The following ACBD5 variants were observed in gnomAD, a reference collection of about 807,000 sequenced individuals.
ACBD5 encodes the protein acyl-CoA binding domain containing 5.
A neutral mutation model predicts 71.8 loss-of-function variants in ACBD5; 40 were observed. That is an observed-to-expected ratio of 0.56 (90% CI 0.43 to 0.72). The LOEUF is 0.72. Among genes scored for constraint, ACBD5 ranks in the 30% least tolerant of loss-of-function variants. The pLI is 0.00. For synonymous variants in ACBD5, 229 were observed against 218.6 expected (o/e 1.05, Z -0.42); for missense variants, 559 against 644.5 (o/e 0.87, Z 1.44).
intron 5 of ACBD5, chr10:27,220,567 C>T (rs935436912): frequency 2.6e-5 from 4 of 152,306 alleles, no homozygotes; most frequent in African/African-American, 9.6e-5. Flanking sequence ...TTACTGGACA[C>T]TGTTTTGAGA....
intron 12 of ACBD5, among the ~76,000 whole-genome samples, chr10:27,202,890 A>G (rs1013388579): frequency 5.9e-5 from 9 of 151,910 alleles, no homozygotes; most frequent in Non-Finnish European, 1.2e-4. Context: ...ACTGTAGAGC[A>G]CTAAACCCAA....
At chr10:27,215,415 A>G (rs1177284789) in intron 8 of ACBD5, 120 bp downstream of exon 8, 1 of 709,890 alleles carries the variant, frequency 1.4e-6, no homozygotes, top group Non-Finnish European at 2.4e-6. Context: ...ATGTTTAAAC[A>G]TTTTAGGAGT....
At chr10:27,183,475 G>T (rs552317782) in intron 13 of ACBD5, among the ~76,000 whole-genome samples, 1 of 152,120 alleles carries the variant, frequency 6.6e-6, no homozygotes, top group East Asian at 1.9e-4. Context: ...AGTAGAGATG[G>T]GGTTTCACCA....
At chr10:27,184,400 CAT>C (rs1426959928) in intron 13 of ACBD5, among the ~76,000 whole-genome samples, 2 of 151,948 alleles carry the variant, frequency 1.3e-5, no homozygotes. Flanking sequence ...CTACTTAAAA[CAT>C]ATAAACACAC....
At chr10:27,183,393 C>A (rs1343990679) in intron 13 of ACBD5, among the ~76,000 whole-genome samples, 1 of 152,006 alleles carries the variant, frequency 6.6e-6, no homozygotes, top group South Asian at 2.1e-4. Context: ...AAGTGATTCT[C>A]CTGCCTCAGC....
intron 13 of ACBD5, among the ~76,000 whole-genome samples, chr10:27,189,307 G>A (rs1374187053): frequency 3.3e-5 from 5 of 152,174 alleles, no homozygotes; most frequent in South Asian, 4.1e-4. Flanking sequence ...GATTACAGGC[G>A]TGAGCCACCC....
chr10:27,196,922 T>A lies in ACBD5; in HGVS notation c.*508A>T, dbSNP rs1299011105. 1.1e-5 allele frequency: 5 copies of A among 454,072 alleles called. No individual in the cohort carries two copies. The highest frequency in any genetic ancestry group is 2.2e-5 in the Non-Finnish European group (5 of 226,802). 28.1% of individuals were successfully genotyped at this position (454,072 alleles called of 1,614,324 possible). ...ACAAAGTGAATATGACCATTCTTCC[T>A]GTGGTTTTCTACTACATGCCATGGC... On this transcript the variant is annotated 3_prime_UTR_variant, in exon 13 of 13. Coordinates refer to ENST00000396271, the MANE Select transcript of ACBD5 (RefSeq NM_145698.5).
rs371298763 is a variant in ACBD5 at position 27,223,370 on chromosome 10, T to C, written c.458A>G (p.Lys153Arg). 5.6e-5 allele frequency: 91 copies of C among 1,613,834 alleles called. No homozygotes were observed. Among genetic ancestry groups the C allele is most frequent in the Middle Eastern group, 1.6e-4 (1 of 6,082 alleles). ...TATATCAGAACTCCTGCCACTCTTTTTGTCCTCGACAATTTCATAAAATGG... is the reference window on the plus strand; with the variant it reads ...TATATCAGAACTCCTGCCACTCTTTCTGTCCTCGACAATTTCATAAAATGG... Reference protein sequence around the residue: ...IGPFYEIVEDKKSGRSSDITS... With the variant: ...IGPFYEIVEDRKSGRSSDITS... Residue 153 changes from lysine to arginine, a missense_variant, in exon 5 of 13, where the codon AAA becomes AGA. By Grantham distance (26) the Lys-to-Arg change is conservative. Transcript: ENST00000396271.
chr10:27,191,473 C>A (rs1435902309), downstream of ACBD5, among the ~76,000 whole-genome samples: 4 of 152,082 alleles, frequency 2.6e-5, no homozygotes, highest in East Asian at 5.8e-4. Context: ...AACAAATGTA[C>A]CACTCCACCA....
chr10:27,183,905 T>G (rs1043743919), intron 13 of ACBD5, among the ~76,000 whole-genome samples: 1 of 152,100 alleles, frequency 6.6e-6, no homozygotes, highest in Non-Finnish European at 1.5e-5. Context: ...AGAGATGGGG[T>G]TTTGCTGTGT....
Position 27,240,311 on chromosome 10 carries a change from G to T in ACBD5, c.181+8C>A. On this transcript the variant is annotated splice_region_variant and intron_variant, in intron 2 of 12. Coordinates refer to ENST00000396271, the MANE Select transcript of ACBD5 (RefSeq NM_145698.5). The surrounding 1 kb of genome is among the most constrained non-coding windows in gnomAD (Gnocchi z 4.1). Reference sequence around the variant, plus strand: ...GAGGCGTCTACAGCCGGGGCCCAGCGCACGTACCATTCTTCGGCAAACTCT... The same window carrying T: ...GAGGCGTCTACAGCCGGGGCCCAGCTCACGTACCATTCTTCGGCAAACTCT... 6.2e-7 allele frequency: 1 copy of T among 1,614,004 alleles called. No homozygotes were observed. Among genetic ancestry groups the T allele is most frequent in the African/African-American group, 1.3e-5 (1 of 74,986 alleles).
Position 27,197,138 on chromosome 10 carries a change from A to G in ACBD5, c.*292T>C. On this transcript the variant is annotated 3_prime_UTR_variant, in exon 13 of 13. Coordinates refer to ENST00000396271, the MANE Select transcript of ACBD5 (RefSeq NM_145698.5). ...GATAATCAGGTAAACATGTTACCAA[A>G]TGATCATTAATAATTTAATGTCCTT... 2 of 516,532 alleles carry G rather than the reference A, an allele frequency of 3.9e-6. No homozygotes were observed. The highest frequency in any genetic ancestry group is 7.1e-6 in the Non-Finnish European group (2 of 280,972). 32.0% of individuals were successfully genotyped at this position (516,532 alleles called of 1,614,324 possible). A position where few individuals can be genotyped will look rare whatever the true frequency, so the allele number is the denominator to read the frequency against.
chr10:27,213,612 C>T (rs1356914048), intron 8 of ACBD5, among the ~76,000 whole-genome samples: 1 of 152,046 alleles, frequency 6.6e-6, no homozygotes, highest in Non-Finnish European at 1.5e-5. Flanking sequence ...ACAAAATTAG[C>T]GGGGCATGGT....
At chr10:27,201,135 C>G (rs1351984471) in intron 12 of ACBD5, among the ~76,000 whole-genome samples, 1 of 152,116 alleles carries the variant, frequency 6.6e-6, no homozygotes, top group Admixed American at 6.6e-5. Flanking sequence ...TACACTGCAG[C>G]CCAGGCAAGA....
intron 12 of ACBD5, among the ~76,000 whole-genome samples, chr10:27,202,199 C>T (rs2059996381): frequency 6.6e-6 from 1 of 152,080 alleles, no homozygotes; most frequent in Admixed American, 6.6e-5. Context: ...TAAAAGATGC[C>T]TAAATCCCCT....
At chr10:27,221,935 AAAAAG>A (rs1564655303) in intron 5 of ACBD5, among the ~76,000 whole-genome samples, 4 of 149,730 alleles carry the variant, frequency 2.7e-5, no homozygotes, top group African/African-American at 1.0e-4. Flanking sequence ...AAAAAAAAAA[AAAAAG>A]AAAAGAAGAA....
Position 27,195,923 on chromosome 10 carries a change from C to A in ACBD5, c.*1507G>T, listed in dbSNP as rs1273087416. On this transcript the variant is annotated 3_prime_UTR_variant, in exon 13 of 13. Transcript: ENST00000396271. ...ATGCTTAAAAATTATTTGCTACAGG[C>A]CAGGTGCAGTGGCTCACGCCTCTAA... 1 of 453,034 alleles carries A rather than the reference C, an allele frequency of 2.2e-6. No homozygotes were observed. Among genetic ancestry groups the A allele is most frequent in the Admixed American group, 2.4e-5 (1 of 42,326 alleles). The allele number at this position is 453,034 out of a possible 1,614,324, so 28.1% of individuals were successfully genotyped here.
At position 27,196,122 on chromosome 10, in the gene ACBD5, C is replaced by T. The variant is rs2059362731; in HGVS notation, c.*1308G>A. 1 of 451,054 alleles carries T rather than the reference C, an allele frequency of 2.2e-6. No individual in the cohort carries two copies. The highest frequency in any genetic ancestry group is 4.4e-6 in the Non-Finnish European group (1 of 225,426). The allele number at this position is 451,054 out of a possible 1,614,324, so 27.9% of individuals were successfully genotyped here. On this transcript the variant is annotated 3_prime_UTR_variant, in exon 13 of 13. Transcript: ENST00000396271. ...GAGTGAGGCAGGAGAATCACTTGAA[C>T]CCAGGAGGTGGAAGTTGCAGTGAGC...
chr10:27,199,234 G>T (rs147577127), intron 12 of ACBD5, among the ~76,000 whole-genome samples: 7,644 of 150,986 alleles, frequency 0.051, 304 homozygotes, highest in Admixed American at 0.12. Flanking sequence ...TGTCGCCCAG[G>T]CTGGAGTGCA....
Sources: allele counts gnomAD v4.1 joint callset (sites outside exome capture counted in the v4.1 genomes callset), GRCh38; gene constraint gnomAD v4.1.1; non-coding constraint Gnocchi (gnomAD v3.1); transcripts MANE v1.5; gene names NCBI Gene and HGNC (gene_info 2026-07-23, HGNC 2026-07-21).